The following COL21A1 variants were observed in gnomAD, a reference collection of about 807,000 sequenced individuals.
COL21A1 encodes the protein collagen alpha-1(XXI) chain.
In COL21A1, 149 loss-of-function variants were observed where a neutral mutation model predicts 137.9. The observed-to-expected ratio is 1.08, with a 90% CI of 0.95 to 1.24. The LOEUF (loss-of-function observed/expected upper bound fraction) is 1.24, where lower values mean the gene tolerates loss of function less well. Ranked by LOEUF, COL21A1 falls within the 50% of genes most tolerant of loss-of-function variation. The pLI, the probability that COL21A1 is intolerant of heterozygous loss-of-function variation, is 0.00. For synonymous variants in COL21A1, 456 were observed against 391.5 expected, an observed-to-expected ratio of 1.16 and a Z score of -1.95; for missense variants, 1,167 against 1,158.4, an observed-to-expected ratio of 1.01 and a Z score of -0.11.
At chr6:56,240,141 A>T (rs529619883) in intron 1 of COL21A1, among the ~76,000 whole-genome samples, 4 of 148,596 alleles carry the variant, frequency 2.7e-5, no homozygotes, top group Non-Finnish European at 4.4e-5. Context: ...AGCCACATGG[A>T]ACTGTGAGTC....
At chr6:56,098,588 T>C (rs1197727136) in intron 17 of COL21A1, among the ~76,000 whole-genome samples, 7 of 39,352 alleles carry the variant, frequency 1.8e-4, no homozygotes, top group Admixed American at 4.4e-4. Context: ...TATATATAAA[T>C]ATATAAATAT....
chr6:56,225,660 C>G (rs1781138503), intron 1 of COL21A1, among the ~76,000 whole-genome samples: 1 of 151,998 alleles, frequency 6.6e-6, no homozygotes, highest in African/African-American at 2.4e-5. Context: ...GGCATAAAAA[C>G]AAAAGGATTC....
chr6:56,169,727 T>G (rs1776878994), intron 5 of COL21A1, among the ~76,000 whole-genome samples: 1 of 151,972 alleles, frequency 6.6e-6, no homozygotes, highest in Non-Finnish European at 1.5e-5. Flanking sequence ...GATTTCCTCT[T>G]ATTTTATGTT....
intron 1 of COL21A1, among the ~76,000 whole-genome samples, chr6:56,343,986 G>A (rs1765529881): frequency 6.6e-6 from 1 of 152,170 alleles, no homozygotes; most frequent in South Asian, 2.1e-4. Flanking sequence ...TTGAGACAGT[G>A]ATGGATAACA....
chr6:56,186,571 T>A (rs1432629321), intron 1 of COL21A1, among the ~76,000 whole-genome samples: 1 of 152,156 alleles, frequency 6.6e-6, no homozygotes. Flanking sequence ...CCATCATTTT[T>A]TATGGAAAAC....
intron 16 of COL21A1, among the ~76,000 whole-genome samples, 174 bp from the exon 17 acceptor site, chr6:56,101,699 TCA>T (rs1770472291): frequency 6.6e-6 from 1 of 152,094 alleles, no homozygotes; most frequent in Non-Finnish European, 1.5e-5. Context: ...TTTCAGAAAT[TCA>T]TAAAGTGACT....
chr6:56,127,294 C>A (rs1296927121), intron 12 of COL21A1, among the ~76,000 whole-genome samples: 1 of 152,160 alleles, frequency 6.6e-6, no homozygotes, highest in East Asian at 1.9e-4. Context: ...CCTTTTCTTG[C>A]CCAAATGTTT....
intron 10 of COL21A1, among the ~76,000 whole-genome samples, chr6:56,153,130 T>A (rs918123785): frequency 6.6e-6 from 1 of 152,306 alleles, no homozygotes; most frequent in African/African-American, 2.4e-5. Flanking sequence ...TGTTGGCATA[T>A]AATGGGGGTC....
chr6:56,135,520 T>C (rs1381015932), intron 12 of COL21A1, among the ~76,000 whole-genome samples: 3 of 152,182 alleles, frequency 2.0e-5, no homozygotes, highest in Non-Finnish European at 2.9e-5. Flanking sequence ...ATCAACTTTC[T>C]GGGAACTCAA....
intron 10 of COL21A1, among the ~76,000 whole-genome samples, chr6:56,143,341 C>T (rs1231165714): frequency 1.3e-5 from 2 of 151,598 alleles, no homozygotes; most frequent in Non-Finnish European, 2.9e-5. Context: ...GTTGGGACTA[C>T]AGGCGTCCAC....
intron 1 of COL21A1, among the ~76,000 whole-genome samples, chr6:56,357,993 A>G (rs1765873281): frequency 6.6e-6 from 1 of 152,236 alleles, no homozygotes; most frequent in South Asian, 2.1e-4. Context: ...TTACCTTTTT[A>G]TACATGCACA....
At chr6:56,286,810 T>C (rs1385206651) in intron 1 of COL21A1, among the ~76,000 whole-genome samples, 1 of 152,164 alleles carries the variant, frequency 6.6e-6, no homozygotes, top group East Asian at 1.9e-4. Context: ...TATACAAGTA[T>C]GAGAAGGGGC....
intron 13 of COL21A1, 132 bp downstream of exon 13, chr6:56,125,958 ATTAATC>A (rs1773019305): frequency 1.8e-6 from 1 of 551,634 alleles, no homozygotes; most frequent in Non-Finnish European, 3.2e-6. Flanking sequence ...ATAAACTAAT[ATTAATC>A]TTAGCCCATT....
chr6:56,382,382 A>C (rs1414465237), intron 1 of COL21A1, among the ~76,000 whole-genome samples: 1 of 152,232 alleles, frequency 6.6e-6, no homozygotes, highest in African/African-American at 2.4e-5. Context: ...CGTTATGAAG[A>C]AACGAATATC....
At chr6:56,251,746 C>G (rs776057358), upstream of COL21A1, among the ~76,000 whole-genome samples, 11 of 152,212 alleles carry the variant, frequency 7.2e-5, no homozygotes, top group Admixed American at 1.3e-4. Flanking sequence ...AGTGGCCATT[C>G]ACAAAGACAA....
At chr6:56,116,926 C>T (rs1771987818) in intron 16 of COL21A1, among the ~76,000 whole-genome samples, 1 of 151,428 alleles carries the variant, frequency 6.6e-6, no homozygotes, top group African/African-American at 2.4e-5. Flanking sequence ...ATCTGTAAGG[C>T]TCATAAATAC....
intron 1 of COL21A1, among the ~76,000 whole-genome samples, chr6:56,323,268 A>T (rs2152341735): frequency 6.6e-6 from 1 of 152,340 alleles, no homozygotes; most frequent in African/African-American, 2.4e-5. Context: ...CAGATATGGC[A>T]TGAACATCAA....
chr6:56,199,507 T>C (rs17221418), intron 1 of COL21A1, among the ~76,000 whole-genome samples: 8,054 of 152,048 alleles, frequency 0.053, 293 homozygotes, highest in Middle Eastern at 0.12. Context: ...TTCTTAGTGG[T>C]TTTCTAATGC....
chr6:56,132,953 CA>C (rs1335095131), intron 12 of COL21A1, among the ~76,000 whole-genome samples: 1 of 152,182 alleles, frequency 6.6e-6, no homozygotes, highest in Non-Finnish European at 1.5e-5. Context: ...ACTGTCAGTC[CA>C]TTAAACCTCT....
Sources: allele counts gnomAD v4.1 joint callset (sites outside exome capture counted in the v4.1 genomes callset), GRCh38; gene constraint gnomAD v4.1.1; transcripts MANE v1.5; gene names NCBI Gene and HGNC (gene_info 2026-07-23, HGNC 2026-07-21).